ARHGEF33: variants seen among roughly 807,000 people sequenced by gnomAD.
ARHGEF33 encodes the protein Rho guanine nucleotide exchange factor 33.
ARHGEF33 carries 72 observed loss-of-function variants against 101.9 expected under a neutral mutation model. That is an observed-to-expected ratio of 0.71 (90% confidence interval 0.58 to 0.86). The LOEUF is 0.86. Ranked by LOEUF, ARHGEF33 falls within the 40% of genes least tolerant of loss-of-function variation. ARHGEF33 has a pLI of 0.00. For synonymous variants in ARHGEF33, 499 were observed against 442.5 expected (o/e 1.13, Z -1.60); for missense variants, 1,169 against 1,111.3 (o/e 1.05, Z -0.74).
chr2:38,944,229 A>G (rs1472478194), intron 10 of ARHGEF33, among the ~76,000 whole-genome samples, 199 bp downstream of exon 10: 2 of 152,236 alleles, frequency 1.3e-5, no homozygotes, highest in Non-Finnish European at 2.9e-5. Flanking sequence ...ATAACTTTTA[A>G]TGAACAGAAA....
chr2:38,937,976 T>C (rs193146299), intron 9 of ARHGEF33, among the ~76,000 whole-genome samples: 156 of 152,304 alleles, frequency 1.0e-3, no homozygotes, highest in African/African-American at 3.6e-3. Context: ...TCACAAAGTA[T>C]TGCTGAACAA....
At chr2:38,892,515 A>G (rs1666028555) in intron 1 of ARHGEF33, among the ~76,000 whole-genome samples, 1 of 152,126 alleles carries the variant, frequency 6.6e-6, no homozygotes, top group African/African-American at 2.4e-5. Context: ...GGATGGTTGT[A>G]TTTCTTTTTT....
chr2:38,968,498 G>T (rs573854583), intron 17 of ARHGEF33, among the ~76,000 whole-genome samples: 1 of 152,274 alleles, frequency 6.6e-6, no homozygotes, highest in African/African-American at 2.4e-5. Context: ...TCTTTCTGTA[G>T]CTCCCCACTG....
chr2:38,953,266 T>C lies in ARHGEF33; in HGVS notation c.1137+21T>C, dbSNP rs1195085077. The C allele has an allele frequency of 1.3e-5, 17 of 1,337,148 alleles. No individual in the cohort carries two copies. In the South Asian group the frequency reaches 1.6e-4, roughly 13 times the overall value. 82.8% of individuals were successfully genotyped at this position (1,337,148 alleles called of 1,614,324 possible). On this transcript the variant is annotated intron_variant, in intron 12 of 17. Transcript: ENST00000409978. ...AAGAGGTGAGTTAACGCCATATATA[T>C]GCTATCCTTCATCTGCACATGGCAT...
chr2:38,929,074 A>T lies in ARHGEF33; in HGVS notation c.240+3A>T, dbSNP rs1186461749. ...AGAATTCATTAAACTATTTCAAGGT[A>T]GGCCTCTCTTTAATTTCCCTGCTGA... On this transcript the variant is annotated splice_donor_region_variant and intron_variant, in intron 5 of 17. Transcript: ENST00000409978. 1 of 1,544,440 alleles carries T rather than the reference A, an allele frequency of 6.5e-7. No individual in the cohort carries two copies. The highest frequency in any genetic ancestry group is 8.7e-7 in the Non-Finnish European group (1 of 1,144,152).
chr2:38,937,448 A>G lies in ARHGEF33; in HGVS notation c.679A>G (p.Lys227Glu). 1 of 1,550,148 alleles carries G rather than the reference A, an allele frequency of 6.5e-7. No homozygotes were observed. The highest frequency in any genetic ancestry group is 8.7e-7 in the Non-Finnish European group (1 of 1,145,916). ...SGMWRQPKDGKEWGEEYVTKD... is the reference protein window; with the variant it reads ...SGMWRQPKDGEEWGEEYVTKD... ...CATGTGGAGGCAGCCTAAGGATGGT[A>G]AAGAATGGGGTGAAGAATACGTCAC... is the stretch of plus-strand genomic sequence containing the variant. The change falls in exon 9 of 18, where the codon AAA becomes GAA. Residue 227 changes from lysine to glutamate, a missense_variant. Physicochemically the swap from Lys to Glu is moderately conservative, Grantham distance 56 (BLOSUM62 1). Transcript: ENST00000409978.
chr2:38,895,287 T>C (rs2124976358), intron 1 of ARHGEF33, among the ~76,000 whole-genome samples: 1 of 152,260 alleles, frequency 6.6e-6, no homozygotes, highest in East Asian at 1.9e-4. Flanking sequence ...TTGTTCTTAA[T>C]TTTGAGTATA....
chr2:38,963,283 T>G (rs1667986417), intron 16 of ARHGEF33, among the ~76,000 whole-genome samples: 1 of 152,216 alleles, frequency 6.6e-6, no homozygotes, highest in Non-Finnish European at 1.5e-5. Flanking sequence ...GCAAAACTCC[T>G]AGTGTTTCTT....
chr2:38,898,210 A>T (rs1666163473), intron 2 of ARHGEF33, among the ~76,000 whole-genome samples: 1 of 152,258 alleles, frequency 6.6e-6, no homozygotes, highest in South Asian at 2.1e-4. Context: ...TATATTATTT[A>T]AAAAGATATA....
intron 10 of ARHGEF33, among the ~76,000 whole-genome samples, chr2:38,947,363 C>T (rs1218870045): frequency 6.6e-6 from 1 of 152,148 alleles, no homozygotes; most frequent in Non-Finnish European, 1.5e-5. Context: ...GAAACCTGGG[C>T]AGAACTTGAG....
intron 16 of ARHGEF33, among the ~76,000 whole-genome samples, chr2:38,965,407 A>G (rs1668031675): frequency 6.6e-6 from 1 of 152,238 alleles, no homozygotes; most frequent in Non-Finnish European, 1.5e-5. Context: ...TCCAAATAGC[A>G]TGGGTTAAGA....
intron 4 of ARHGEF33, among the ~76,000 whole-genome samples, chr2:38,923,581 T>C (rs1002109354): frequency 6.6e-6 from 1 of 152,220 alleles, no homozygotes; most frequent in African/African-American, 2.4e-5. Flanking sequence ...TCCATTTTCC[T>C]CTCTGTTGTA....
Position 38,935,847 on chromosome 2 carries a change from T to C in ARHGEF33, c.565+13T>C. On this transcript the variant is annotated intron_variant, in intron 8 of 17. Transcript: ENST00000409978. ...ATGATGGGTCCTGGTAAGTGACTCT[T>C]CTCTTAGTTTTCTTTTCTTCCAGCA... The C allele has an allele frequency of 1.9e-6, 3 of 1,543,862 alleles. No homozygotes were observed. The highest frequency in any genetic ancestry group is 2.6e-6 in the Non-Finnish European group (3 of 1,139,970).
At position 38,903,312 on chromosome 2, in the gene ARHGEF33, C is replaced by T. The variant is rs1479409623; in HGVS notation, c.-86+7463C>T. On this transcript the variant is annotated intron_variant, in intron 2 of 17. Coordinates refer to ENST00000409978, the MANE Select transcript of ARHGEF33 (RefSeq NM_001145451.5). The stretch of plus-strand genomic sequence containing the variant: ...TCTGTTTTGCATGTGAATTTTACAT[C>T]CAGATTTATATCACACGCTAAAGGA... 3.3e-5 allele frequency among the ~76,000 whole-genome samples: 5 copies of T among 151,906 alleles called. No homozygotes were observed. In the East Asian group the frequency reaches 9.7e-4, roughly 29 times the overall value.
At chr2:38,948,882 A>T (rs771144225) in intron 10 of ARHGEF33, among the ~76,000 whole-genome samples, 1 of 152,032 alleles carries the variant, frequency 6.6e-6, no homozygotes, top group African/African-American at 2.4e-5. Context: ...CCCCGTAGCT[A>T]CCCCTCCAAA....
intron 10 of ARHGEF33, among the ~76,000 whole-genome samples, chr2:38,948,597 A>C (rs756442668): frequency 6.6e-6 from 1 of 152,082 alleles, no homozygotes. Flanking sequence ...AAAGGGAGGG[A>C]GGGAGGAAGG....
rs1361913464 is a variant in ARHGEF33 at position 38,959,972 on chromosome 2, C to T, written c.1667C>T (p.Thr556Met). 2 of 1,551,058 alleles carry T rather than the reference C, an allele frequency of 1.3e-6. No homozygotes were observed. The highest frequency in any genetic ancestry group is 1.2e-5 in the South Asian group (1 of 84,042). The change falls in exon 16 of 18, where the codon ACG (threonine) becomes ATG (methionine). Residue 556 changes from threonine (T) to methionine (M), a missense_variant. By Grantham distance (81) the Thr-to-Met change is moderately conservative. Transcript: ENST00000409978. ...HERPESLLAPTQFCAAEQDVK... is the reference protein window; with the variant it reads ...HERPESLLAPMQFCAAEQDVK... ...CGGCCCGAGAGCCTTCTGGCACCGA[C>T]GCAGTTCTGCGCGGCCGAGCAGGAC...
Position 38,937,395 on chromosome 2 carries a change from T to G in ARHGEF33, c.626T>G (p.Ile209Ser), listed in dbSNP as rs1344218944. ...CTCAAGTCTTGCCTCTCGGCTGATA[T>G]CCAGTCCAAGGGCCATCTCCCATCT... Reference protein sequence around the residue: ...ENLKSCLSADIQSKGHLPSGM... With the variant: ...ENLKSCLSADSQSKGHLPSGM... The change falls in exon 9 of 18, where the codon ATC becomes AGC. Residue 209 changes from isoleucine to serine, a missense_variant. Transcript: ENST00000409978. 6.9e-7 allele frequency: 1 copy of G among 1,447,126 alleles called. No individual in the cohort carries two copies. Among genetic ancestry groups the G allele is most frequent in the African/African-American group, 1.6e-5 (1 of 63,866 alleles). 89.6% of individuals were successfully genotyped at this position (1,447,126 alleles called of 1,614,324 possible). A position where few individuals can be genotyped will look rare whatever the true frequency, so the allele number is the denominator to read the frequency against.
At chr2:38,895,613 T>C (rs1558421289) in intron 1 of ARHGEF33, among the ~76,000 whole-genome samples, 164 bp from the exon 2 acceptor site, 1 of 152,188 alleles carries the variant, frequency 6.6e-6, no homozygotes, top group Non-Finnish European at 1.5e-5. Flanking sequence ...ACAAAGACTT[T>C]TACTTTTTTA....
Sources: gnomAD v4.1 joint callset for allele counts (sites outside exome capture counted in the v4.1 genomes callset) on GRCh38, gnomAD v4.1.1 for gene constraint, MANE v1.5 for transcripts, NCBI Gene and HGNC (gene_info 2026-07-23, HGNC 2026-07-21) for gene names.